Variants in CDC42EP2 observed in about 807,000 individuals in gnomAD.
CDC42EP2 encodes CDC42 effector protein 2, also known as CDC42 effector protein (Rho GTPase binding) 2.
In CDC42EP2, 5 loss-of-function variants were observed where a neutral mutation model predicts 7.3. The observed-to-expected ratio is 0.68, with a 90% CI of 0.36 to 1.44. The LOEUF (loss-of-function observed/expected upper bound fraction) is 1.44, where lower values mean the gene tolerates loss of function less well. CDC42EP2 is among the 40% of genes most tolerant of loss of function. The pLI, the probability that CDC42EP2 is intolerant of heterozygous loss-of-function variation, is 0.04. For synonymous variants in CDC42EP2, 113 were observed against 123.6 expected (o/e 0.91, Z 0.57); for missense variants, 251 against 282.6 (o/e 0.89, Z 0.80).
rs4149813 is a variant in CDC42EP2, at chr11:65,315,202, G to A, written c.-356+248G>A. On this transcript the variant is annotated intron_variant, in intron 1 of 1. Coordinates refer to ENST00000279249, the MANE Select transcript of CDC42EP2 (RefSeq NM_006779.4). The surrounding 1 kb of genome is among the most constrained non-coding windows in gnomAD (Gnocchi z 4.1). Reference sequence around the variant, plus strand: ...TTCCCCGTTCTGCCCTCCATTTTGTGTCCGGGCCCCCGCCCCCCTCCCGAG... The same window carrying A: ...TTCCCCGTTCTGCCCTCCATTTTGTATCCGGGCCCCCGCCCCCCTCCCGAG... Among the ~76,000 whole-genome samples, 33,287 of 152,176 alleles carry A rather than the reference G, an allele frequency of 0.22. 5,070 individuals carry two copies. The highest frequency in any genetic ancestry group is 0.43 in the African/African-American group (17,900 of 41,520).
In CDC42EP2 at chr11:65,315,375, G is replaced by A. The variant is rs1398292629; in HGVS notation, c.-356+421G>A. ...GGCTGGGCTCCGCCCGGGTAGGAGT[G>A]GGGAGGGGTCGGCGCAGGAACCCGA... On this transcript the variant is annotated intron_variant, in intron 1 of 1. Transcript: ENST00000279249. The surrounding 1 kb of genome is among the most constrained non-coding windows in gnomAD (Gnocchi z 4.1). 6.6e-6 allele frequency among the ~76,000 whole-genome samples: 1 copy of A among 152,186 alleles called. No homozygotes were observed. Among genetic ancestry groups the A allele is most frequent in the African/African-American group, 2.4e-5 (1 of 41,452 alleles).
intron 1 of CDC42EP2, among the ~76,000 whole-genome samples, chr11:65,317,772 A>ATAT (rs4149825): frequency 0.075 from 11,469 of 152,172 alleles, 1,417 homozygotes; most frequent in African/African-American, 0.26. Flanking sequence ...GACTACATAA[A>ATAT]TATGTGCATA....
Position 65,321,246 on chromosome 11 carries a change from C to G in CDC42EP2, c.348C>G (p.Pro116=). 2 of 1,613,952 alleles carry G rather than the reference C, an allele frequency of 1.2e-6. No homozygotes were observed. Among genetic ancestry groups the G allele is most frequent in the South Asian group, 1.1e-5 (1 of 91,088 alleles). Residue 116 remains proline (P), a synonymous_variant, in exon 2 of 2, where the codon CCC becomes CCG. Coordinates refer to ENST00000279249, the MANE Select transcript of CDC42EP2 (RefSeq NM_006779.4). The surrounding 1 kb of genome is among the most constrained non-coding windows in gnomAD (Gnocchi z 4.4). ...NAISLPVIGG[P]QALTLPTAQA... is the part of the protein sequence containing the mutation. ...TCTCCCTCCCGGTTATCGGTGGACC[C>G]CAGGCTCTCACCCTGCCCACAGCCC...
Position 65,321,244 on chromosome 11 carries a change from CCCCAGGCTCTCACCCTGCCCACAG to C in CDC42EP2, c.356_379del (p.Leu119_Ala126del). ...CATCTCCCTCCCGGTTATCGGTGGACCCCAGGCTCTCACCCTGCCCACAGCCCAGGCTCCACCCAAGCCCCCTCG... is the reference window on the plus strand; with the variant it reads ...CATCTCCCTCCCGGTTATCGGTGGACCCCAGGCTCCACCCAAGCCCCCTCG... On this transcript the variant is annotated inframe_deletion, in exon 2 of 2. Coordinates refer to ENST00000279249, the MANE Select transcript of CDC42EP2 (RefSeq NM_006779.4). This position sits in a 1 kb window ranked among gnomAD's most constrained non-coding sequence, Gnocchi z 4.4. 6.2e-7 allele frequency: 1 copy of C among 1,613,930 alleles called. No homozygotes were observed. The highest frequency in any genetic ancestry group is 8.5e-7 in the Non-Finnish European group (1 of 1,180,004).
In CDC42EP2 at chr11:65,321,860, C is replaced by T. The variant is rs1466076446; in HGVS notation, c.*329C>T. 5 of 253,938 alleles carry T rather than the reference C, an allele frequency of 2.0e-5. No individual in the cohort carries two copies. Among genetic ancestry groups the T allele is most frequent in the Non-Finnish European group, 3.3e-5 (4 of 121,212 alleles). 15.7% of individuals were successfully genotyped at this position (253,938 alleles called of 1,614,324 possible). ...TTGCTGAAACCGACCCCCCTTTTCACGTCCCTTCTGCCTCTGCCCCGTTGG... is the reference window on the plus strand; with the variant it reads ...TTGCTGAAACCGACCCCCCTTTTCATGTCCCTTCTGCCTCTGCCCCGTTGG... On this transcript the variant is annotated 3_prime_UTR_variant, in exon 2 of 2. Transcript: ENST00000279249. The surrounding 1 kb of genome is among the most constrained non-coding windows in gnomAD (Gnocchi z 4.4).
At position 65,321,559 on chromosome 11, in the gene CDC42EP2, CAGGTGGGGCCCAGCCAGG is replaced by C. The variant is rs1416471872; in HGVS notation, c.*37_*54del. 1 of 1,564,566 alleles carries C rather than the reference CAGGTGGGGCCCAGCCAGG, an allele frequency of 6.4e-7. No individual in the cohort carries two copies. Among genetic ancestry groups the C allele is most frequent in the African/African-American group, 1.4e-5 (1 of 73,758 alleles). Reference sequence around the variant, plus strand: ...CACGAGGCTGCCTAGGCTGGGGTCCCAGGTGGGGCCCAGCCAGGAGGTGGGGTGTGGACCCGGCCCTGG... The same window carrying C: ...CACGAGGCTGCCTAGGCTGGGGTCCCAGGTGGGGTGTGGACCCGGCCCTGG... On this transcript the variant is annotated 3_prime_UTR_variant, in exon 2 of 2. Transcript: ENST00000279249. The surrounding 1 kb of genome is among the most constrained non-coding windows in gnomAD (Gnocchi z 4.4).
Position 65,320,902 on chromosome 11 carries a change from TCCA to T in CDC42EP2, c.8_10del (p.Thr3del). 6.3e-7 allele frequency: 1 copy of T among 1,596,224 alleles called. No homozygotes were observed. Among genetic ancestry groups the T allele is most frequent in the Non-Finnish European group, 8.6e-7 (1 of 1,166,708 alleles). ...CAGGCCTGGTGGTGAGGTCACCATGTCCACCAAGGTGCCCATCTATCTGAAGCG... is the reference window on the plus strand; with the variant it reads ...CAGGCCTGGTGGTGAGGTCACCATGTCCAAGGTGCCCATCTATCTGAAGCG... On this transcript the variant is annotated inframe_deletion, in exon 2 of 2. Coordinates refer to ENST00000279249, the MANE Select transcript of CDC42EP2 (RefSeq NM_006779.4).
Position 65,321,596 on chromosome 11 carries a change from G to A in CDC42EP2, c.*65G>A, listed in dbSNP as rs1949975643. 1.4e-6 allele frequency: 2 copies of A among 1,473,388 alleles called. No homozygotes were observed. Among genetic ancestry groups the A allele is most frequent in the Admixed American group, 2.1e-5 (1 of 46,546 alleles). The allele number at this position is 1,473,388 out of a possible 1,614,324, so 91.3% of individuals were successfully genotyped here. The stretch of plus-strand genomic sequence containing the variant: ...AGCCAGGAGGTGGGGTGTGGACCCG[G>A]CCCTGGCGGCGGAGTCAGGGTCCCA... On this transcript the variant is annotated 3_prime_UTR_variant, in exon 2 of 2. Coordinates refer to ENST00000279249, the MANE Select transcript of CDC42EP2 (RefSeq NM_006779.4). The surrounding 1 kb of genome is among the most constrained non-coding windows in gnomAD (Gnocchi z 4.4).
chr11:65,315,468 C>T lies in CDC42EP2; in HGVS notation c.-356+514C>T, dbSNP rs1949943019. Among the ~76,000 whole-genome samples the T allele has an allele frequency of 6.6e-6, 1 of 152,192 alleles. No individual in the cohort carries two copies. The highest frequency in any genetic ancestry group is 1.5e-5 in the Non-Finnish European group (1 of 68,034). On this transcript the variant is annotated intron_variant, in intron 1 of 1. Transcript: ENST00000279249. The surrounding 1 kb of genome is among the most constrained non-coding windows in gnomAD (Gnocchi z 4.1). ...GCACGCCCGAGCTCTGGCCCTGTGC[C>T]GAGCGGACACTAGGACATCGCCCAG...
At chr11:65,318,549 G>A (rs1181515338) in intron 1 of CDC42EP2, among the ~76,000 whole-genome samples, 2 of 151,144 alleles carry the variant, frequency 1.3e-5, no homozygotes, top group African/African-American at 2.4e-5. Flanking sequence ...TCAGCCTTCC[G>A]AGTAGCTGGG....
intron 1 of CDC42EP2, among the ~76,000 whole-genome samples, chr11:65,318,864 C>T (rs11819804): frequency 0.015 from 1,666 of 110,052 alleles, 34 homozygotes; most frequent in African/African-American, 0.058. Context: ...GCCACTGCAC[C>T]TGACTTTTTT....
At chr11:65,319,039 G>T (rs1332062583) in intron 1 of CDC42EP2, among the ~76,000 whole-genome samples, 1 of 150,314 alleles carries the variant, frequency 6.7e-6, no homozygotes, top group Non-Finnish European at 1.5e-5. Context: ...TTTGCATTTT[G>T]CTTCTCTCTC....
chr11:65,321,811 C>T lies in CDC42EP2; in HGVS notation c.*280C>T, dbSNP rs1255644127. ...GGACCCCATCACAATACTCCTTCTT[C>T]CTTCAGGTCCCTGGGTGAAGGCTTT... On this transcript the variant is annotated 3_prime_UTR_variant, in exon 2 of 2. Transcript: ENST00000279249. This position sits in a 1 kb window ranked among gnomAD's most constrained non-coding sequence, Gnocchi z 4.4. 2 of 368,716 alleles carry T rather than the reference C, an allele frequency of 5.4e-6. No individual in the cohort carries two copies. The highest frequency in any genetic ancestry group is 2.0e-5 in the African/African-American group (1 of 49,180). 22.8% of individuals were successfully genotyped at this position (368,716 alleles called of 1,614,324 possible). A position where few individuals can be genotyped will look rare whatever the true frequency, so the allele number is the denominator to read the frequency against.
chr11:65,319,952 A>C (rs987016237), intron 1 of CDC42EP2, among the ~76,000 whole-genome samples: 8 of 152,214 alleles, frequency 5.3e-5, no homozygotes, highest in Non-Finnish European at 1.0e-4. Flanking sequence ...CCGGGGACCC[A>C]GGGCAAGAGA....
intron 1 of CDC42EP2, among the ~76,000 whole-genome samples, chr11:65,317,729 T>G (rs545425153): frequency 6.6e-5 from 10 of 152,142 alleles, no homozygotes; most frequent in Non-Finnish European, 1.2e-4. Context: ...AGCTATTTAT[T>G]TTTACACATT....
chr11:65,316,706 C>G (rs1381443408), intron 1 of CDC42EP2, among the ~76,000 whole-genome samples: 2 of 152,164 alleles, frequency 1.3e-5, no homozygotes, highest in African/African-American at 4.8e-5. Context: ...AGAAACTGTG[C>G]GTGGCAAGCT....
At chr11:65,319,225 T>C (rs991479046) in intron 1 of CDC42EP2, among the ~76,000 whole-genome samples, 2 of 147,942 alleles carry the variant, frequency 1.4e-5, no homozygotes, top group Non-Finnish European at 3.0e-5. Context: ...ACCTCCGGGG[T>C]TCAAGCGATT....
At position 65,321,377 on chromosome 11, in the gene CDC42EP2, A is replaced by G. The variant is rs766451755; in HGVS notation, c.479A>G (p.Asn160Ser). 12 of 1,613,778 alleles carry G rather than the reference A, an allele frequency of 7.4e-6. No individual in the cohort carries two copies. The Admixed American group carries it at 1.8e-4, about 25-fold the overall frequency. ...IWRIPETGSP[N>S]SGLTPESGAE... ...AGGATTCCAGAGACTGGCTCCCCCA[A>G]CAGTGGACTGACCCCGGAGTCAGGG... Residue 160 changes from asparagine to serine, a missense_variant, in exon 2 of 2, where the codon AAC becomes AGC. Transcript: ENST00000279249. This position sits in a 1 kb window ranked among gnomAD's most constrained non-coding sequence, Gnocchi z 4.4.
Position 65,315,250 on chromosome 11 carries a change from A to G in CDC42EP2, c.-356+296A>G, listed in dbSNP as rs1565508277. Among the ~76,000 whole-genome samples the G allele has an allele frequency of 6.6e-6, 1 of 152,006 alleles. No individual in the cohort carries two copies. Among genetic ancestry groups the G allele is most frequent in the Non-Finnish European group, 1.5e-5 (1 of 67,936 alleles). ...GAGACCCAGGGGTGCCCCGCCGCCC[A>G]GCATCCCCACCGGGGCTGGGGGCCG... On this transcript the variant is annotated intron_variant, in intron 1 of 1. Transcript: ENST00000279249. The surrounding 1 kb of genome is among the most constrained non-coding windows in gnomAD (Gnocchi z 4.1).
Sources: allele counts gnomAD v4.1 joint callset (sites outside exome capture counted in the v4.1 genomes callset), GRCh38; gene constraint gnomAD v4.1.1; non-coding constraint Gnocchi (gnomAD v3.1); transcripts MANE v1.5; gene names NCBI Gene and HGNC (gene_info 2026-07-23, HGNC 2026-07-21).